The following CREM variants were observed in gnomAD, a reference collection of about 807,000 sequenced individuals.
CREM encodes the protein cAMP responsive element modulator, also known as cAMP-responsive element modulator.
Under a neutral mutation model 37.3 loss-of-function variants are expected in CREM, and 13 were observed. The ratio of observed to expected loss-of-function variants is 0.35; its 90% CI spans 0.23 to 0.55. The LOEUF is 0.55. Among genes scored for constraint, CREM ranks in the 20% least tolerant of loss-of-function variants. The pLI is 0.88. For missense variants in CREM, 296 were observed against 362.3 expected (o/e 0.82, Z 1.49); for synonymous variants, 124 against 120.2 (o/e 1.03, Z -0.21).
chr10:35,170,031 T>C lies in CREM; in HGVS notation c.169-8858T>C, dbSNP rs1212013870. 1.3e-4 allele frequency among the ~76,000 whole-genome samples: 19 copies of C among 151,602 alleles called. No individual in the cohort carries two copies. In the South Asian group the frequency reaches 3.8e-3, roughly 30 times the overall value. On this transcript the variant is annotated intron_variant, in intron 3 of 7. Transcript: ENST00000685392. ...AAGCTGGAGTGCAGTGGCATGATCT[T>C]CGCTCACTGCAAGCTCCATCTCCTG...
chr10:35,197,927 A>G (rs990571262), intron 6 of CREM, among the ~76,000 whole-genome samples: 1 of 152,110 alleles, frequency 6.6e-6, no homozygotes, highest in African/African-American at 2.4e-5. Context: ...CTTTTCAACC[A>G]TGACCCACGT....
intron 3 of CREM, among the ~76,000 whole-genome samples, chr10:35,151,305 G>C (rs1330143008): frequency 1.3e-5 from 2 of 152,080 alleles, no homozygotes; most frequent in African/African-American, 2.4e-5. Context: ...TTGGAGTTTT[G>C]CTGTTTTTCT....
intron 2 of CREM, among the ~76,000 whole-genome samples, chr10:35,143,540 T>G (rs1297852743): frequency 3.9e-5 from 6 of 152,296 alleles, no homozygotes; most frequent in South Asian, 4.1e-4. Flanking sequence ...ATAGCTGAAG[T>G]GGCATAAAGT....
intron 1 of CREM, among the ~76,000 whole-genome samples, chr10:35,130,509 A>G (rs2089153331): frequency 6.6e-6 from 1 of 152,210 alleles, no homozygotes; most frequent in Non-Finnish European, 1.5e-5. Context: ...GTCTTACTGC[A>G]CTGAATAATG....
At chr10:35,186,188 T>C (rs986228606) in intron 5 of CREM, among the ~76,000 whole-genome samples, 1 of 152,212 alleles carries the variant, frequency 6.6e-6, no homozygotes, top group African/African-American at 2.4e-5. Context: ...AAGCATAGCC[T>C]CTGGTACCAT....
intron 3 of CREM, among the ~76,000 whole-genome samples, chr10:35,149,889 AACACACACACACACACAC>A (rs55971717): frequency 0.18 from 19,665 of 111,926 alleles, 1,599 homozygotes; most frequent in Admixed American, 0.23. Flanking sequence ...CTTTTGCTTA[AACACACACACACACACAC>A]ACACACACAC....
chr10:35,136,431 A>C (rs2090530491), intron 1 of CREM, among the ~76,000 whole-genome samples: 1 of 152,116 alleles, frequency 6.6e-6, no homozygotes, highest in African/African-American at 2.4e-5. Context: ...CCCTACGTAA[A>C]ATGCTAGTGT....
chr10:35,149,930 A>ACACACACG (rs1554890951), intron 3 of CREM, among the ~76,000 whole-genome samples: 85 of 149,278 alleles, frequency 5.7e-4, no homozygotes, highest in Middle Eastern at 3.4e-3. Context: ...ACACACACAC[A>ACACACACG]CACACACACC....
rs898735501 is a variant in CREM at position 35,188,162 on chromosome 10, T to C, written c.410-38T>C. 3 of 1,564,540 alleles carry C rather than the reference T, an allele frequency of 1.9e-6. No homozygotes were observed. In the African/African-American group the frequency reaches 4.2e-5, roughly 22 times the overall value. On this transcript the variant is annotated intron_variant, in intron 5 of 7. Coordinates refer to ENST00000685392, the MANE Select transcript of CREM (RefSeq NM_183011.2). ...AATAGGGGATTATTAAAAATAAATC[T>C]TGAAATTCTCTAATATTTCTTTTCT...
intron 5 of CREM, among the ~76,000 whole-genome samples, chr10:35,185,259 C>A (rs908029722): frequency 6.6e-6 from 1 of 152,074 alleles, no homozygotes; most frequent in Non-Finnish European, 1.5e-5. Context: ...TGCACCACCA[C>A]GCCTGGCTAA....
intron 5 of CREM, among the ~76,000 whole-genome samples, chr10:35,185,350 AACCTCG>A (rs2094513461): frequency 6.6e-6 from 1 of 151,664 alleles, no homozygotes; most frequent in African/African-American, 2.4e-5. Context: ...GTGATCCACC[AACCTCG>A]GCCTCCCAAA....
chr10:35,172,722 G>A (rs570012779), intron 3 of CREM, among the ~76,000 whole-genome samples: 6 of 152,188 alleles, frequency 3.9e-5, no homozygotes, highest in South Asian at 2.1e-4. Context: ...CCCCCGCTGC[G>A]TCCTGACGAC....
At chr10:35,129,244 A>T (rs537841726) in intron 1 of CREM, among the ~76,000 whole-genome samples, 49 of 152,358 alleles carry the variant, frequency 3.2e-4, no homozygotes, top group African/African-American at 1.1e-3. Flanking sequence ...TTGAATGCGT[A>T]AACATAGGAC....
rs546079469 is a variant in CREM at position 35,148,440 on chromosome 10, T to A, written c.117T>A (p.Ser39=). 2 of 1,613,806 alleles carry A rather than the reference T, an allele frequency of 1.2e-6. No homozygotes were observed. Among genetic ancestry groups the A allele is most frequent in the Non-Finnish European group, 1.7e-6 (2 of 1,179,832 alleles). ...CAGCTTCTTTGACAGAGAGCAAGTCTGCTCATGTGCAGACTCAGACTGGCC... is the reference window on the plus strand; with the variant it reads ...CAGCTTCTTTGACAGAGAGCAAGTCAGCTCATGTGCAGACTCAGACTGGCC... ...SITASLTESK[S]AHVQTQTGQN... Residue 39 remains serine, a synonymous_variant, in exon 3 of 8, where the codon TCT becomes TCA. Coordinates refer to ENST00000685392, the MANE Select transcript of CREM (RefSeq NM_183011.2).
chr10:35,131,987 G>A (rs1420076729), intron 1 of CREM, among the ~76,000 whole-genome samples: 4 of 152,036 alleles, frequency 2.6e-5, no homozygotes, highest in Admixed American at 2.0e-4. Flanking sequence ...AGGCCGAGGC[G>A]GGCAAATCAG....
intron 3 of CREM, among the ~76,000 whole-genome samples, chr10:35,168,029 T>A (rs2093636586): frequency 1.3e-5 from 2 of 152,220 alleles, no homozygotes; most frequent in Non-Finnish European, 2.9e-5. Context: ...TGTGCCACAT[T>A]TTCTTAATCC....
intron 5 of CREM, among the ~76,000 whole-genome samples, chr10:35,184,199 A>G (rs2094461591): frequency 6.6e-6 from 1 of 152,204 alleles, no homozygotes; most frequent in South Asian, 2.1e-4. Flanking sequence ...GCAGTTTAAG[A>G]CCAGCTAGAC....
chr10:35,153,269 A>G (rs1372149471), intron 3 of CREM, among the ~76,000 whole-genome samples: 3 of 152,204 alleles, frequency 2.0e-5, no homozygotes, highest in African/African-American at 2.4e-5. Flanking sequence ...AATTAAAAAA[A>G]AAGATTTTGT....
chr10:35,134,068 T>A (rs1412504245), intron 1 of CREM, among the ~76,000 whole-genome samples: 1 of 151,908 alleles, frequency 6.6e-6, no homozygotes, highest in East Asian at 1.9e-4. Flanking sequence ...TTTTTTTTTT[T>A]TTCAAGACAG....
Sources: gnomAD v4.1 joint callset for allele counts (sites outside exome capture counted in the v4.1 genomes callset) on GRCh38, gnomAD v4.1.1 for gene constraint, MANE v1.5 for transcripts, NCBI Gene and HGNC (gene_info 2026-07-23, HGNC 2026-07-21) for gene names.